Variants in GTF2A1L observed in about 807,000 individuals in gnomAD.
GTF2A1L encodes TFIIA-alpha and beta-like factor.
GTF2A1L carries 48 observed loss-of-function variants against 49.7 expected under a neutral mutation model. The ratio of observed to expected loss-of-function variants is 0.97; its 90% CI spans 0.77 to 1.23. The LOEUF is 1.23. Among genes scored for constraint, GTF2A1L ranks in the 50% most tolerant of loss-of-function variants. The probability of loss-of-function intolerance (pLI) is 0.00; values close to 1 mark genes in which losing one functional copy is unlikely to be tolerated. For missense variants in GTF2A1L, 736 were observed against 564.8 expected (o/e 1.30, Z -3.07); for synonymous variants, 246 against 193.5 (o/e 1.27, Z -2.25).
intron 6 of GTF2A1L, among the ~76,000 whole-genome samples, chr2:48,652,895 C>T (rs977537852): frequency 2.6e-5 from 4 of 151,034 alleles, no homozygotes; most frequent in African/African-American, 9.7e-5. Context: ...GGGGTTTCAC[C>T]GTGTTGGCCA....
At chr2:48,669,612 A>G in intron 6 of GTF2A1L, 110 bp from the exon 7 acceptor site, 1 of 1,299,640 alleles carries the variant, frequency 7.7e-7, no homozygotes, top group African/African-American at 1.5e-5. Context: ...ATAAGAGAGA[A>G]GTTTGCTTGA....
intron 3 of GTF2A1L, among the ~76,000 whole-genome samples, chr2:48,624,287 C>T (rs1301928230): frequency 6.9e-6 from 1 of 144,200 alleles, no homozygotes; most frequent in Non-Finnish European, 1.6e-5. Context: ...TACATGTTAA[C>T]ATAATAGCAT....
chr2:48,667,689 C>G (rs936902760), intron 6 of GTF2A1L, among the ~76,000 whole-genome samples: 4 of 152,046 alleles, frequency 2.6e-5, no homozygotes, highest in African/African-American at 9.7e-5. Context: ...TACATGTAAA[C>G]TTACATAATT....
chr2:48,672,832 T>G (rs183158319), intron 8 of GTF2A1L, among the ~76,000 whole-genome samples: 98 of 152,314 alleles, frequency 6.4e-4, no homozygotes, highest in African/African-American at 2.3e-3. Context: ...CAATGGTTTA[T>G]TTAGTGTATT....
intron 6 of GTF2A1L, among the ~76,000 whole-genome samples, chr2:48,657,506 A>T (rs1215703368): frequency 6.6e-6 from 1 of 152,130 alleles, no homozygotes; most frequent in Non-Finnish European, 1.5e-5. Flanking sequence ...TCCACCATGT[A>T]TGGGCACCTG....
chr2:48,646,315 C>A, intron 5 of GTF2A1L, 138 bp from the exon 6 acceptor site: 1 of 660,038 alleles, frequency 1.5e-6, no homozygotes, highest in Non-Finnish European at 2.3e-6. Context: ...AAGAAAAACC[C>A]CTAGAGATAA....
intron 8 of GTF2A1L, among the ~76,000 whole-genome samples, chr2:48,673,339 C>T (rs976441879): frequency 8.9e-5 from 13 of 146,502 alleles, no homozygotes; most frequent in African/African-American, 3.0e-4. Flanking sequence ...TTTTAACGTA[C>T]ATTTTACTGA....
At chr2:48,643,843 C>T (rs113747634) in intron 4 of GTF2A1L, among the ~76,000 whole-genome samples, 8,405 of 151,710 alleles carry the variant, frequency 0.055, 795 homozygotes, top group African/African-American at 0.19. Context: ...AGATTACAGA[C>T]GCCCGCCACC....
chr2:48,653,021 A>G (rs1315319790), intron 6 of GTF2A1L, among the ~76,000 whole-genome samples: 1 of 151,818 alleles, frequency 6.6e-6, no homozygotes, highest in Non-Finnish European at 1.5e-5. Context: ...CAAGGTCAGG[A>G]GATCAAGATC....
chr2:48,655,341 A>G (rs1678111227), intron 6 of GTF2A1L, among the ~76,000 whole-genome samples: 1 of 151,812 alleles, frequency 6.6e-6, no homozygotes, highest in East Asian at 1.9e-4. Flanking sequence ...ATATATTTTT[A>G]TTTTTAATTA....
At chr2:48,663,877 T>C (rs1678659421) in intron 6 of GTF2A1L, among the ~76,000 whole-genome samples, 1 of 152,170 alleles carries the variant, frequency 6.6e-6, no homozygotes, top group Admixed American at 6.5e-5. Context: ...CCTCCCAAAG[T>C]GCTGAGATTA....
rs775643510 is a variant in GTF2A1L, at chr2:48,621,132, T to A, written c.124-35T>A. The A allele has an allele frequency of 3.8e-6, 6 of 1,588,986 alleles. No individual in the cohort carries two copies. In the African/African-American group the frequency reaches 4.1e-5, roughly 11 times the overall value. ...GAAGTATCATTATATGTGTATATAT[T>A]TTTTTAAAGTAAACTTTTTTTTTCC... is the stretch of plus-strand genomic sequence containing the variant. On this transcript the variant is annotated intron_variant, in intron 2 of 8. Coordinates refer to ENST00000403751, the MANE Select transcript of GTF2A1L (RefSeq NM_006872.5).
intron 8 of GTF2A1L, among the ~76,000 whole-genome samples, chr2:48,678,846 AT>A (rs1453283214): frequency 6.6e-6 from 1 of 152,000 alleles, no homozygotes; most frequent in African/African-American, 2.4e-5. Context: ...TTCTTGAACA[AT>A]CCAGGCATGC....
intron 6 of GTF2A1L, 115 bp from the exon 7 acceptor site, chr2:48,669,607 A>G (rs1353741853): frequency 1.6e-6 from 2 of 1,266,156 alleles, no homozygotes; most frequent in Non-Finnish European, 1.1e-6. Context: ...ATGTCATAAG[A>G]GAGAAGTTTG....
At chr2:48,677,416 G>A (rs1679527798) in intron 8 of GTF2A1L, among the ~76,000 whole-genome samples, 1 of 151,942 alleles carries the variant, frequency 6.6e-6, no homozygotes, top group Non-Finnish European at 1.5e-5. Flanking sequence ...TAGAGTGTAA[G>A]CATTTTGAAC....
At chr2:48,666,483 T>TA (rs1323546711) in intron 6 of GTF2A1L, among the ~76,000 whole-genome samples, 2 of 152,140 alleles carry the variant, frequency 1.3e-5, no homozygotes, top group Admixed American at 1.3e-4. Flanking sequence ...AGACACCATA[T>TA]GGTTGGGTCT....
intron 8 of GTF2A1L, among the ~76,000 whole-genome samples, chr2:48,678,407 G>T (rs952686271): frequency 6.6e-6 from 1 of 151,898 alleles, no homozygotes; most frequent in African/African-American, 2.4e-5. Context: ...CAAAAATAGG[G>T]GTTTATCCTG....
At chr2:48,649,641 CGTGGTAA>C (rs1425543410) in intron 6 of GTF2A1L, among the ~76,000 whole-genome samples, 1 of 152,172 alleles carries the variant, frequency 6.6e-6, no homozygotes, top group African/African-American at 2.4e-5. Flanking sequence ...ACACTGGCAC[CGTGGTAA>C]ATGCTCAGTG....
Position 48,631,507 on chromosome 2 carries a change from C to A in GTF2A1L, c.247+10217C>A, listed in dbSNP as rs530346201. ...TCTGACTGTGCTTATTGGAATCTTC[C>A]CTTTTTTTCTTTGTTAATCTAGTTA... On this transcript the variant is annotated intron_variant, in intron 3 of 8. Transcript: ENST00000403751. Among the ~76,000 whole-genome samples, 22 of 151,876 alleles carry A rather than the reference C, an allele frequency of 1.4e-4. No individual in the cohort carries two copies. The South Asian group carries it at 4.2e-3, about 29-fold the overall frequency.
Sources: allele counts gnomAD v4.1 joint callset (sites outside exome capture counted in the v4.1 genomes callset), GRCh38; gene constraint gnomAD v4.1.1; transcripts MANE v1.5; gene names NCBI Gene and HGNC (gene_info 2026-07-23, HGNC 2026-07-21).